Variants in MIA2 observed in about 807,000 individuals in gnomAD.
The protein encoded by MIA2 is melanoma inhibitory activity protein 2.
Under a neutral mutation model 167.8 loss-of-function variants are expected in MIA2, and 127 were observed. The observed-to-expected ratio is 0.76, with a 90% CI of 0.66 to 0.88. The LOEUF (loss-of-function observed/expected upper bound fraction) is 0.88, where lower values mean the gene tolerates loss of function less well. Ranked by LOEUF, MIA2 falls within the 40% of genes least tolerant of loss-of-function variation. MIA2 has a pLI of 0.00. For missense variants in MIA2, 1,690 were observed against 1,624.7 expected, an observed-to-expected ratio of 1.04 and a Z score of -0.69; for synonymous variants, 552 against 541.9, an observed-to-expected ratio of 1.02 and a Z score of -0.26.
At chr14:39,249,791 A>G (rs1172037709) in intron 4 of MIA2, among the ~76,000 whole-genome samples, 1 of 152,186 alleles carries the variant, frequency 6.6e-6, no homozygotes, top group Non-Finnish European at 1.5e-5. Context: ...TACAAAAACA[A>G]ACCCTAGAAT....
At chr14:39,280,778 T>C (rs566264084) in intron 9 of MIA2, among the ~76,000 whole-genome samples, 3 of 152,170 alleles carry the variant, frequency 2.0e-5, no homozygotes, top group East Asian at 1.9e-4. Flanking sequence ...ACTGGCTGTT[T>C]TTATCATTTT....
At chr14:39,310,052 T>C (rs1239354792) in intron 18 of MIA2, among the ~76,000 whole-genome samples, 1 of 152,210 alleles carries the variant, frequency 6.6e-6, no homozygotes, top group Non-Finnish European at 1.5e-5. Flanking sequence ...TTATAGAATC[T>C]GTATTTGTGA....
At chr14:39,373,306 C>CAAAAA (rs34602556) in intron 23 of MIA2, among the ~76,000 whole-genome samples, 1 of 110,960 alleles carries the variant, frequency 9.0e-6, no homozygotes, top group Non-Finnish European at 1.9e-5. Context: ...AATTCTTGGC[C>CAAAAA]AAAAAAAAAA....
In MIA2 at chr14:39,388,157, A is replaced by G. The variant is rs914051017; in HGVS notation, c.*1205A>G. 1 of 152,210 alleles carries G rather than the reference A, an allele frequency of 6.6e-6. No homozygotes were observed. The highest frequency in any genetic ancestry group is 2.4e-5 in the African/African-American group (1 of 41,450). The allele number at this position is 152,210 out of a possible 1,614,324, so 9.4% of individuals were successfully genotyped here. A position where few individuals can be genotyped will look rare whatever the true frequency, so the allele number is the denominator to read the frequency against. ...TCATTTATTGCCTTATGGAAAAACAATTGTTTTCATCAGAAATTAGAATTT... is the reference window on the plus strand; with the variant it reads ...TCATTTATTGCCTTATGGAAAAACAGTTGTTTTCATCAGAAATTAGAATTT... On this transcript the variant is annotated 3_prime_UTR_variant, in exon 24 of 24. Transcript: ENST00000341502. The surrounding 1 kb of genome is among the most constrained non-coding windows in gnomAD (Gnocchi z 4.1).
rs375145428 is a variant in MIA2, at chr14:39,349,016, TGG to T, written c.4072+40_4072+41del. 5,762 of 1,584,318 alleles carry T rather than the reference TGG, an allele frequency of 3.6e-3. 198 individuals carry two copies. The African/African-American group carries it at 0.069, about 19-fold the overall frequency. On this transcript the variant is annotated intron_variant, in intron 28 of 28. Coordinates refer to ENST00000640607, the MANE Select transcript of MIA2 (RefSeq NM_001329214.4). ...AACTTTTTTTTTAAAGCTCAATATG[TGG>T]TTTATTAATCGGAGATTTAATTTTA...
chr14:39,318,981 T>A (rs998676967), intron 22 of MIA2, among the ~76,000 whole-genome samples: 1 of 152,142 alleles, frequency 6.6e-6, no homozygotes, highest in Non-Finnish European at 1.5e-5. Flanking sequence ...ATAAAACAAT[T>A]GTAAGGCTCC....
At chr14:39,304,948 G>A (rs1012484530) in intron 17 of MIA2, among the ~76,000 whole-genome samples, 2 of 152,092 alleles carry the variant, frequency 1.3e-5, no homozygotes, top group Non-Finnish European at 2.9e-5. Context: ...GAGATAAATA[G>A]CATCTCATTT....
chr14:39,236,326 C>T (rs2053745197), intron 1 of MIA2, among the ~76,000 whole-genome samples: 1 of 151,998 alleles, frequency 6.6e-6, no homozygotes, highest in Non-Finnish European at 1.5e-5. Flanking sequence ...AAAATGGTGT[C>T]TAGGTTGGGG....
intron 25 of MIA2, among the ~76,000 whole-genome samples, chr14:39,340,024 G>T (rs192870047): frequency 7.2e-4 from 110 of 152,168 alleles, no homozygotes; most frequent in Middle Eastern, 3.4e-3. Flanking sequence ...TAAATTTTCT[G>T]TAGAGACGGG....
intron 23 of MIA2, among the ~76,000 whole-genome samples, chr14:39,374,226 C>T (rs899850959): frequency 1.3e-5 from 2 of 152,078 alleles, no homozygotes; most frequent in African/African-American, 4.8e-5. Flanking sequence ...AAATGTAATT[C>T]CTCAGATTGC....
At chr14:39,251,563 G>T (rs143101127) in intron 4 of MIA2, among the ~76,000 whole-genome samples, 195 of 152,046 alleles carry the variant, frequency 1.3e-3, no homozygotes, top group African/African-American at 4.3e-3. Flanking sequence ...ATATAAATTT[G>T]AGTATAATTA....
At chr14:39,384,658 A>G (rs1049145964) in intron 23 of MIA2, among the ~76,000 whole-genome samples, 5 of 152,200 alleles carry the variant, frequency 3.3e-5, no homozygotes, top group African/African-American at 7.2e-5. Flanking sequence ...GTTTCTGTTC[A>G]AGATCCTCAC....
chr14:39,259,638 T>A (rs6571910), intron 6 of MIA2, among the ~76,000 whole-genome samples: 1 of 150,936 alleles, frequency 6.6e-6, no homozygotes, highest in Non-Finnish European at 1.5e-5. Flanking sequence ...TGAAGCAATC[T>A]TCCCACCTCA....
chr14:39,315,483 T>A (rs2065243578), intron 20 of MIA2, among the ~76,000 whole-genome samples, 200 bp from the exon 21 acceptor site: 1 of 152,168 alleles, frequency 6.6e-6, no homozygotes, highest in Admixed American at 6.5e-5. Context: ...AACAAAAAAT[T>A]TAATTGTCTT....
At chr14:39,382,018 G>T (rs2139366641) in intron 23 of MIA2, among the ~76,000 whole-genome samples, 1 of 152,238 alleles carries the variant, frequency 6.6e-6, no homozygotes, top group East Asian at 1.9e-4. Flanking sequence ...TGGGGTCCAG[G>T]CTAAAGACTG....
chr14:39,235,302 A>G (rs1199858398), intron 1 of MIA2, among the ~76,000 whole-genome samples: 3 of 152,190 alleles, frequency 2.0e-5, no homozygotes, highest in Non-Finnish European at 2.9e-5. Flanking sequence ...GATTACAGGC[A>G]TAAGCCACCA....
intron 23 of MIA2, among the ~76,000 whole-genome samples, chr14:39,371,379 C>CA (rs2074943430): frequency 6.6e-6 from 1 of 152,062 alleles, no homozygotes; most frequent in Non-Finnish European, 1.5e-5. Context: ...CAAAAAAAGA[C>CA]AAGACTTTTT....
intron 9 of MIA2, among the ~76,000 whole-genome samples, chr14:39,280,470 T>C (rs1373353686): frequency 2.0e-5 from 3 of 152,108 alleles, no homozygotes; most frequent in East Asian, 1.9e-4. Context: ...CGGTGGCTCA[T>C]GCTTGTAATC....
intron 6 of MIA2, chr14:39,269,087 T>TTTTTTTTG: frequency 2.1e-6 from 2 of 960,704 alleles, no homozygotes; most frequent in Non-Finnish European, 2.5e-6. Context: ...TTTTTTTTTT[T>TTTTTTTTG]TTTTTTTTTT....
Sources: gnomAD v4.1 joint callset for allele counts (sites outside exome capture counted in the v4.1 genomes callset) on GRCh38, gnomAD v4.1.1 for gene constraint, Gnocchi (gnomAD v3.1) non-coding constraint, MANE v1.5 for transcripts, NCBI Gene and HGNC (gene_info 2026-07-23, HGNC 2026-07-21) for gene names.